Variants in RGS19 observed in about 807,000 individuals in gnomAD.
RGS19 encodes the protein G alpha interacting protein.
In RGS19, 9 loss-of-function variants were observed where a neutral mutation model predicts 22.0. The observed-to-expected ratio is 0.41, with a 90% CI of 0.25 to 0.71. RGS19 has a LOEUF of 0.71. Among genes scored for constraint, RGS19 ranks in the 30% least tolerant of loss-of-function variants. The pLI is 0.32. For missense variants in RGS19, 256 were observed against 307.1 expected (o/e 0.83, Z 1.24); for synonymous variants, 130 against 127.3 (o/e 1.02, Z -0.14).
Position 64,076,518 on chromosome 20 carries a change from T to C in RGS19, c.152+7A>G. On this transcript the variant is annotated splice_region_variant and intron_variant, in intron 3 of 5. Coordinates refer to ENST00000395042, the MANE Select transcript of RGS19 (RefSeq NM_005873.3). ...CTCGCCAGCTGGGCACCCCAGGCCC[T>C]ACTCACCAGGAGCAGCTACAGCAGC... is the stretch of plus-strand genomic sequence containing the variant. The C allele has an allele frequency of 6.2e-7, 1 of 1,612,776 alleles. No individual in the cohort carries two copies. The highest frequency in any genetic ancestry group is 2.2e-5 in the East Asian group (1 of 44,886).
Position 64,074,244 on chromosome 20 carries a change from A to C in RGS19, c.362T>G (p.Leu121Trp). The part of the protein sequence containing the change: ...EYSEENMLFW[L>W]ACEELKAEAN... Reference sequence around the variant, plus strand: ...CTCGGCCTTCAGCTCCTCGCAGGCCAACCAGAAGAGCATGTTCTCCTCGCT... The same window carrying C: ...CTCGGCCTTCAGCTCCTCGCAGGCCCACCAGAAGAGCATGTTCTCCTCGCT... Residue 121 changes from leucine (L) to tryptophan (W), a missense_variant, in exon 5 of 6, where the codon TTG becomes TGG. Transcript: ENST00000395042. 1 of 1,613,938 alleles carries C rather than the reference A, an allele frequency of 6.2e-7. No individual in the cohort carries two copies. Among genetic ancestry groups the C allele is most frequent in the Non-Finnish European group, 8.5e-7 (1 of 1,180,018 alleles).
At chr20:64,077,467 T>C (rs1436964585) in intron 1 of RGS19, among the ~76,000 whole-genome samples, 3 of 151,176 alleles carry the variant, frequency 2.0e-5, no homozygotes, top group Non-Finnish European at 4.4e-5. Context: ...CCTGCAGCAG[T>C]GAGGATTTAA....
intron 1 of RGS19, among the ~76,000 whole-genome samples, chr20:64,078,282 T>TACCCCCGAGG (rs1320300238): frequency 1.8e-3 from 46 of 25,822 alleles, no homozygotes; most frequent in East Asian, 7.0e-3. Context: ...CGGCCCAGTT[T>TACCCCCGAGG]CCTCTGAGAC....
rs1010064792 is a variant in RGS19, at chr20:64,075,252, C to T, written c.153-711G>A. ...ATGGGGTCACACGCTGCAGGTCTGG[C>T]GTGTCAGCAGTGTCTCTCGTCGGCT... On this transcript the variant is annotated intron_variant, in intron 3 of 5. Transcript: ENST00000395042. The surrounding 1 kb of genome is among the most constrained non-coding windows in gnomAD (Gnocchi z 4.6). 1.3e-4 allele frequency among the ~76,000 whole-genome samples: 20 copies of T among 152,202 alleles called. No homozygotes were observed. The highest frequency in any genetic ancestry group is 3.9e-4 in the Admixed American group (6 of 15,286).
In RGS19 at chr20:64,074,344, C is replaced by A; in HGVS notation, c.262G>T (p.Ala88Ser). 6.2e-7 allele frequency: 1 copy of A among 1,611,880 alleles called. No individual in the cohort carries two copies. Among genetic ancestry groups the A allele is most frequent in the East Asian group, 2.2e-5 (1 of 44,856 alleles). The change falls in exon 5 of 6, where the codon GCG (alanine) becomes TCG (serine). Residue 88 changes from alanine (A) to serine (S), a missense_variant. Coordinates refer to ENST00000395042, the MANE Select transcript of RGS19 (RefSeq NM_005873.3). Reference sequence around the variant, plus strand: ...TGCATCAGCTTGTCAAAAGACTGCGCCCAGCTCTGCACCTCCTCAGGACTT... The same window carrying A: ...TGCATCAGCTTGTCAAAAGACTGCGACCAGCTCTGCACCTCCTCAGGACTT... ...TPSPEEVQSW[A>S]QSFDKLMHSP... is the part of the protein sequence containing the mutation.
Position 64,076,941 on chromosome 20 carries a change from C to T in RGS19, c.-55G>A, listed in dbSNP as rs1355696015. The T allele has an allele frequency of 2.8e-6, 4 of 1,449,272 alleles. No individual in the cohort carries two copies. The highest frequency in any genetic ancestry group is 3.7e-6 in the Non-Finnish European group (4 of 1,094,926). The allele number at this position is 1,449,272 out of a possible 1,614,324, so 89.8% of individuals were successfully genotyped here. On this transcript the variant is annotated 5_prime_UTR_variant, in exon 2 of 6. Transcript: ENST00000395042. ...GTGGTACCAGCTCTCAGACCCTCAC[C>T]ACAGCCTGGGGGTCTGGGGAGAGGG... is the stretch of plus-strand genomic sequence containing the variant.
In RGS19 at chr20:64,075,289, G is replaced by C. The variant is rs1273677829; in HGVS notation, c.153-748C>G. ...GTCTCTCGTCGGCTGACGCAGGTGA[G>C]AGCCCCAAACCCGTGTCCACACTCC... On this transcript the variant is annotated intron_variant, in intron 3 of 5. Coordinates refer to ENST00000395042, the MANE Select transcript of RGS19 (RefSeq NM_005873.3). The surrounding 1 kb of genome is among the most constrained non-coding windows in gnomAD (Gnocchi z 4.6). Among the ~76,000 whole-genome samples the C allele has an allele frequency of 6.6e-6, 1 of 152,172 alleles. No homozygotes were observed. Among genetic ancestry groups the C allele is most frequent in the African/African-American group, 2.4e-5 (1 of 41,436 alleles).
At position 64,075,750 on chromosome 20, in the gene RGS19, T is replaced by A. The variant is rs1195651082; in HGVS notation, c.152+775A>T. 6.6e-6 allele frequency among the ~76,000 whole-genome samples: 1 copy of A among 151,976 alleles called. No individual in the cohort carries two copies. The highest frequency in any genetic ancestry group is 1.5e-5 in the Non-Finnish European group (1 of 67,972). ...CCCCGCCACCGCCCCCTGCTCTTCT[T>A]CCCCCACGCATGCTGTCCGGGAAGC... On this transcript the variant is annotated intron_variant, in intron 3 of 5. Coordinates refer to ENST00000395042, the MANE Select transcript of RGS19 (RefSeq NM_005873.3). The surrounding 1 kb of genome is among the most constrained non-coding windows in gnomAD (Gnocchi z 4.6).
chr20:64,074,681 G>A (rs2059891000), intron 3 of RGS19, 140 bp from the exon 4 acceptor site: 2 of 743,496 alleles, frequency 2.7e-6, no homozygotes, highest in South Asian at 1.8e-5. Flanking sequence ...TGACACACAT[G>A]GGCACCCACT....
At position 64,074,384 on chromosome 20, in the gene RGS19, G is replaced by C. The variant is rs374630216; in HGVS notation, c.228-6C>G. ...CCTCAGGACTTGGCGTGGCACTGTG[G>C]GCACGGGGGCCAGGCTATGTCAGGC... On this transcript the variant is annotated splice_polypyrimidine_tract_variant and splice_region_variant and intron_variant, in intron 4 of 5. Coordinates refer to ENST00000395042, the MANE Select transcript of RGS19 (RefSeq NM_005873.3). The C allele has an allele frequency of 3.1e-6, 5 of 1,602,034 alleles. No homozygotes were observed. The highest frequency in any genetic ancestry group is 3.4e-6 in the Non-Finnish European group (4 of 1,173,960).
At position 64,076,898 on chromosome 20, in the gene RGS19, G is replaced by A. The variant is rs763277571; in HGVS notation, c.-12C>T. ...TGCGGGGTGGGCATGGGTGGGCGGAGGAGGTTGCCCAGGCTCCGTGGTACC... is the reference window on the plus strand; with the variant it reads ...TGCGGGGTGGGCATGGGTGGGCGGAAGAGGTTGCCCAGGCTCCGTGGTACC... On this transcript the variant is annotated 5_prime_UTR_variant, in exon 2 of 6. Coordinates refer to ENST00000395042, the MANE Select transcript of RGS19 (RefSeq NM_005873.3). 13 of 1,524,772 alleles carry A rather than the reference G, an allele frequency of 8.5e-6. No homozygotes were observed. Among genetic ancestry groups the A allele is most frequent in the East Asian group, 2.4e-5 (1 of 42,014 alleles). 94.5% of individuals were successfully genotyped at this position (1,524,772 alleles called of 1,614,324 possible).
Position 64,073,809 on chromosome 20 carries a change from A to C in RGS19, c.*44T>G. ...ACAACAACACCTGAAGGGAACCCAG[A>C]GTCGGCCGTAGGAGGCGGCGGGGTC... On this transcript the variant is annotated 3_prime_UTR_variant, in exon 6 of 6. Coordinates refer to ENST00000395042, the MANE Select transcript of RGS19 (RefSeq NM_005873.3). 1 of 1,517,824 alleles carries C rather than the reference A, an allele frequency of 6.6e-7. No homozygotes were observed. The highest frequency in any genetic ancestry group is 2.1e-4 in the Middle Eastern group (1 of 4,810). 94.0% of individuals were successfully genotyped at this position (1,517,824 alleles called of 1,614,324 possible).
rs1234473553 is a variant in RGS19, at chr20:64,073,555, T to A, written c.*298A>T. 2 of 368,420 alleles carry A rather than the reference T, an allele frequency of 5.4e-6. No individual in the cohort carries two copies. The highest frequency in any genetic ancestry group is 9.8e-5 in the East Asian group (2 of 20,334). 22.8% of individuals were successfully genotyped at this position (368,420 alleles called of 1,614,324 possible). On this transcript the variant is annotated 3_prime_UTR_variant, in exon 6 of 6. Transcript: ENST00000395042. ...CCAGCATGGCTCCTGGGGGGACCCCTACTCTCACCACGCAAGAGCCCCCAG... is the reference window on the plus strand; with the variant it reads ...CCAGCATGGCTCCTGGGGGGACCCCAACTCTCACCACGCAAGAGCCCCCAG...
Position 64,076,594 on chromosome 20 carries a change from G to C in RGS19, c.83C>G (p.Thr28Arg). The C allele has an allele frequency of 6.2e-7, 1 of 1,612,040 alleles. No homozygotes were observed. The highest frequency in any genetic ancestry group is 8.5e-7 in the Non-Finnish European group (1 of 1,179,534). ...DRPPSMSSHD[T>R]ASPAAPSRNP... ...GCGGCTGGGGGCCGCTGGAGAGGCTGTATCATGACTGGACATTGAAGGGGG... is the reference window on the plus strand; with the variant it reads ...GCGGCTGGGGGCCGCTGGAGAGGCTCTATCATGACTGGACATTGAAGGGGG... The change falls in exon 3 of 6, where the codon ACA becomes AGA. Residue 28 changes from threonine (T) to arginine (R), a missense_variant. By Grantham distance (71) the Thr-to-Arg change is moderately conservative (BLOSUM62 -1). Transcript: ENST00000395042.
chr20:64,078,736 TC>T (rs1376832616), intron 1 of RGS19, among the ~76,000 whole-genome samples: 2 of 151,886 alleles, frequency 1.3e-5, no homozygotes, highest in Admixed American at 1.3e-4. Flanking sequence ...CAGGCTACCC[TC>T]CCCCCGTCTC....
Position 64,076,842 on chromosome 20 carries a change from G to T in RGS19, c.30+15C>A. The T allele has an allele frequency of 6.4e-7, 1 of 1,572,432 alleles. No homozygotes were observed. The highest frequency in any genetic ancestry group is 2.1e-5 in the Admixed American group (1 of 48,120). On this transcript the variant is annotated intron_variant, in intron 2 of 5. Coordinates refer to ENST00000395042, the MANE Select transcript of RGS19 (RefSeq NM_005873.3). ...CTCCCCCAGGGGAGCAGAGGCAGAG[G>T]GGGAGGTGGCATACCTGCTTCTCAG...
chr20:64,077,567 T>C (rs1243446311), intron 1 of RGS19, among the ~76,000 whole-genome samples: 2 of 152,160 alleles, frequency 1.3e-5, no homozygotes, highest in African/African-American at 4.8e-5. Context: ...GGTTCTTTGG[T>C]CCTGCTACCT....
At chr20:64,076,785 T>A in intron 2 of RGS19, 72 bp downstream of exon 2, 1 of 1,558,464 alleles carries the variant, frequency 6.4e-7, no homozygotes, top group South Asian at 1.1e-5. Context: ...ATCTCCCAGC[T>A]CCTTGTGGCC....
At chr20:64,077,797 C>T (rs1369853407) in intron 1 of RGS19, among the ~76,000 whole-genome samples, 1 of 152,178 alleles carries the variant, frequency 6.6e-6, no homozygotes, top group Non-Finnish European at 1.5e-5. Flanking sequence ...GGGAGGTGCA[C>T]CAGGAGCGCC....
Sources: gnomAD v4.1 joint callset for allele counts (sites outside exome capture counted in the v4.1 genomes callset) on GRCh38, gnomAD v4.1.1 for gene constraint, Gnocchi (gnomAD v3.1) non-coding constraint, MANE v1.5 for transcripts, NCBI Gene and HGNC (gene_info 2026-07-23, HGNC 2026-07-21) for gene names.